BACH2: variants seen among roughly 807,000 people sequenced by gnomAD.
BACH2 encodes transcription regulator protein BACH2.
Under a neutral mutation model 61.8 loss-of-function variants are expected in BACH2, and 5 were observed. The observed-to-expected ratio is 0.08, with a 90% CI of 0.04 to 0.17. The LOEUF is 0.17. Ranked by LOEUF, BACH2 falls within the 10% of genes least tolerant of loss-of-function variation. The probability of loss-of-function intolerance (pLI) is 1.00; values close to 1 mark genes in which losing one functional copy is unlikely to be tolerated. For missense variants in BACH2, 824 were observed against 1,091.1 expected, an observed-to-expected ratio of 0.76 and a Z score of 3.45; for synonymous variants, 446 against 440.1, an observed-to-expected ratio of 1.01 and a Z score of -0.17.
chr6:90,125,063 A>G (rs1783789670), intron 4 of BACH2, among the ~76,000 whole-genome samples: 1 of 152,258 alleles, frequency 6.6e-6, no homozygotes, highest in Admixed American at 6.5e-5. Context: ...TGAACTGTCC[A>G]AAGTTATTTT....
chr6:90,091,373 G>A lies in BACH2; in HGVS notation c.-161-2264C>T, dbSNP rs191774020. Among the ~76,000 whole-genome samples the A allele has an allele frequency of 2.2e-3, 334 of 152,142 alleles. 2 individuals are homozygous for A. Among genetic ancestry groups the A allele is most frequent in the Non-Finnish European group, 3.8e-3 (259 of 67,996 alleles). The stretch of plus-strand genomic sequence containing the variant: ...TAAGAGTGTTATATAACACAAAACA[G>A]GTTATACATGGAGAAAGACATGAAG... On this transcript the variant is annotated intron_variant, in intron 4 of 8. Transcript: ENST00000257749.
At chr6:89,998,809 G>A (rs137958293) in intron 6 of BACH2, among the ~76,000 whole-genome samples, 81 of 151,934 alleles carry the variant, frequency 5.3e-4, no homozygotes, top group African/African-American at 1.7e-3. Flanking sequence ...GATTCCAGGT[G>A]TTCTCACCAT....
At chr6:90,071,746 G>A (rs929953543) in intron 5 of BACH2, among the ~76,000 whole-genome samples, 1 of 152,148 alleles carries the variant, frequency 6.6e-6, no homozygotes. Flanking sequence ...CTTAATAGCC[G>A]GCTGTTGGCT....
chr6:90,198,743 T>C (rs1273913457), intron 4 of BACH2, among the ~76,000 whole-genome samples: 1 of 152,182 alleles, frequency 6.6e-6, no homozygotes, highest in Non-Finnish European at 1.5e-5. Flanking sequence ...AAACTCTCTG[T>C]ACAAAAAGGT....
chr6:90,176,082 C>T (rs1423045344), intron 4 of BACH2, among the ~76,000 whole-genome samples: 1 of 152,218 alleles, frequency 6.6e-6, no homozygotes, highest in East Asian at 1.9e-4. Context: ...GGGTGTTTTC[C>T]CTTGTGGCCC....
intron 5 of BACH2, among the ~76,000 whole-genome samples, chr6:90,017,336 C>T (rs1305225450): frequency 6.6e-6 from 1 of 152,084 alleles, no homozygotes; most frequent in Non-Finnish European, 1.5e-5. Flanking sequence ...TCTCCTGCTT[C>T]AGCCTCCCAA....
chr6:90,192,975 A>ACTTT (rs1768625982), intron 4 of BACH2, among the ~76,000 whole-genome samples: 2 of 152,218 alleles, frequency 1.3e-5, no homozygotes, highest in Non-Finnish European at 2.9e-5. Flanking sequence ...CATTCTGAGA[A>ACTTT]AGATGGGGTG....
intron 4 of BACH2, among the ~76,000 whole-genome samples, chr6:90,134,927 T>C (rs1784220960): frequency 6.6e-6 from 1 of 151,498 alleles, no homozygotes; most frequent in Non-Finnish European, 1.5e-5. Flanking sequence ...GAGATCTACA[T>C]GGCAGATACA....
intron 2 of BACH2, among the ~76,000 whole-genome samples, chr6:90,262,583 G>T (rs1043668663): frequency 2.6e-5 from 4 of 152,232 alleles, no homozygotes; most frequent in Non-Finnish European, 4.4e-5. Flanking sequence ...CCCAATCTCC[G>T]AAGTTTGGCC....
chr6:90,231,246 T>C (rs751956434), intron 3 of BACH2, among the ~76,000 whole-genome samples: 5 of 152,214 alleles, frequency 3.3e-5, no homozygotes, highest in Non-Finnish European at 7.3e-5. Context: ...GATAGGCATA[T>C]ATAAATGGAT....
chr6:90,234,439 T>A (rs972662363), intron 3 of BACH2, among the ~76,000 whole-genome samples: 2 of 152,182 alleles, frequency 1.3e-5, no homozygotes, highest in Non-Finnish European at 2.9e-5. Context: ...AACCAGAATT[T>A]CCATGAAGGT....
At chr6:90,099,037 T>C (rs1462564200) in intron 4 of BACH2, among the ~76,000 whole-genome samples, 1 of 152,226 alleles carries the variant, frequency 6.6e-6, no homozygotes, top group African/African-American at 2.4e-5. Context: ...GGAACTTTTG[T>C]TTTAAAAATT....
At chr6:89,999,186 T>A (rs1448642443) in intron 6 of BACH2, among the ~76,000 whole-genome samples, 1 of 152,240 alleles carries the variant, frequency 6.6e-6, no homozygotes, top group Non-Finnish European at 1.5e-5. Flanking sequence ...AATGTTTGCC[T>A]TCTATTCAGC....
At chr6:90,281,476 A>T (rs771340295) in intron 1 of BACH2, among the ~76,000 whole-genome samples, 8 of 152,130 alleles carry the variant, frequency 5.3e-5, no homozygotes, top group Non-Finnish European at 8.8e-5. Context: ...AGGACCTCAG[A>T]AGCCCCCAGT....
chr6:90,017,951 T>C (rs182772166), intron 5 of BACH2, among the ~76,000 whole-genome samples: 2 of 152,302 alleles, frequency 1.3e-5, no homozygotes, highest in East Asian at 1.9e-4. Flanking sequence ...TAAGACACAG[T>C]TGAGTTACCT....
At chr6:89,969,867 C>A (rs1163089626) in intron 6 of BACH2, among the ~76,000 whole-genome samples, 1 of 152,118 alleles carries the variant, frequency 6.6e-6, no homozygotes, top group East Asian at 1.9e-4. Context: ...TGCAAGCTGG[C>A]TTGGAAATGA....
At position 90,096,216 on chromosome 6, in the gene BACH2, G is replaced by A. The variant is rs144276555; in HGVS notation, c.-161-7107C>T. Among the ~76,000 whole-genome samples, 1,426 of 152,270 alleles carry A rather than the reference G, an allele frequency of 9.4e-3. 11 individuals are homozygous for A. Among genetic ancestry groups the A allele is most frequent in the Non-Finnish European group, 0.015 (1,002 of 67,998 alleles). On this transcript the variant is annotated intron_variant, in intron 4 of 8. Coordinates refer to ENST00000257749, the MANE Select transcript of BACH2 (RefSeq NM_021813.4). ...CTTACTTGTTATATATTTCAGTGTCGTTTCTGTCCCTTGACTATGCAAAGC... is the reference window on the plus strand; with the variant it reads ...CTTACTTGTTATATATTTCAGTGTCATTTCTGTCCCTTGACTATGCAAAGC...
intron 3 of BACH2, among the ~76,000 whole-genome samples, chr6:90,236,933 A>C (rs1055811005): frequency 3.3e-5 from 5 of 149,418 alleles, no homozygotes; most frequent in African/African-American, 1.2e-4. Context: ...CAATGTTCTT[A>C]TTTTTTTTTT....
chr6:90,152,790 C>T (rs1784876155), intron 4 of BACH2, among the ~76,000 whole-genome samples: 1 of 152,164 alleles, frequency 6.6e-6, no homozygotes, highest in African/African-American at 2.4e-5. Flanking sequence ...AAGCTAGTCC[C>T]TCTTCTCTAG....
Sources: allele counts gnomAD v4.1 joint callset (sites outside exome capture counted in the v4.1 genomes callset), GRCh38; gene constraint gnomAD v4.1.1; transcripts MANE v1.5; gene names NCBI Gene and HGNC (gene_info 2026-07-23, HGNC 2026-07-21).